Variants in PHF21A observed in about 807,000 individuals in gnomAD.
PHF21A encodes the protein BHC80a.
PHF21A carries 11 observed loss-of-function variants against 82.5 expected under a neutral mutation model. That is an observed-to-expected ratio of 0.13 (90% confidence interval 0.08 to 0.22). The LOEUF (loss-of-function observed/expected upper bound fraction) is 0.22, where lower values mean the gene tolerates loss of function less well. Ranked by LOEUF, PHF21A falls within the 10% of genes least tolerant of loss-of-function variation. The probability of loss-of-function intolerance (pLI) is 1.00; values close to 1 mark genes in which losing one functional copy is unlikely to be tolerated. For synonymous variants in PHF21A, 297 were observed against 302.8 expected (o/e 0.98, Z 0.20); for missense variants, 579 against 837.8 (o/e 0.69, Z 3.81).
chr11:46,021,529 C>T (rs542601433), intron 6 of PHF21A, among the ~76,000 whole-genome samples: 3 of 151,968 alleles, frequency 2.0e-5, no homozygotes, highest in Admixed American at 6.6e-5. Context: ...CATGTGTGTG[C>T]GTGCATGTGT....
chr11:45,945,475 G>C (rs1397562596), intron 15 of PHF21A, among the ~76,000 whole-genome samples: 2 of 152,182 alleles, frequency 1.3e-5, no homozygotes, highest in African/African-American at 4.8e-5. Context: ...CTGGGGGACT[G>C]TATGTCTTGT....
chr11:46,043,563 C>T (rs564440420), intron 6 of PHF21A, among the ~76,000 whole-genome samples: 20 of 152,062 alleles, frequency 1.3e-4, no homozygotes, highest in African/African-American at 4.6e-4. Context: ...GTGATAAAGA[C>T]GAGCTCTGCC....
rs557908783 is a variant in PHF21A at position 46,062,092 on chromosome 11, G to GT, written c.153+14661dup. 2.6e-3 allele frequency among the ~76,000 whole-genome samples: 372 copies of GT among 144,198 alleles called. 1 individual carries two copies. Among genetic ancestry groups the GT allele is most frequent in the Middle Eastern group, 0.014 (4 of 284 alleles). The allele number at this position is 144,198 out of a possible 152,430, so 94.6% of individuals were successfully genotyped here. ...CCTGTTTGCAACTGTTTTTTGTTTT[G>GT]TTTTTTTTTTTCCTCTAAGGAAGCT... On this transcript the variant is annotated intron_variant, in intron 6 of 18. Coordinates refer to ENST00000676320, the MANE Select transcript of PHF21A (RefSeq NM_001352027.3).
intron 3 of PHF21A, among the ~76,000 whole-genome samples, chr11:46,085,645 G>C (rs2135302975): frequency 6.6e-6 from 1 of 152,204 alleles, no homozygotes; most frequent in East Asian, 1.9e-4. Context: ...GGAACAATCA[G>C]GAAGTTAGAG....
chr11:46,016,290 C>T (rs578025855), intron 6 of PHF21A, among the ~76,000 whole-genome samples: 11 of 152,232 alleles, frequency 7.2e-5, no homozygotes, highest in Non-Finnish European at 1.3e-4. Context: ...CATGTCATTT[C>T]ATGACTCAAA....
intron 6 of PHF21A, among the ~76,000 whole-genome samples, chr11:46,049,990 T>C (rs917131041): frequency 6.6e-6 from 1 of 152,260 alleles, no homozygotes; most frequent in African/African-American, 2.4e-5. Context: ...TTCTATCATA[T>C]ATTTCATGTA....
chr11:45,936,534 T>C lies in PHF21A; in HGVS notation c.1644A>G (p.Gly548=), dbSNP rs976034379. Residue 548 remains glycine (G), a synonymous_variant, in exon 17 of 19, where the codon GGA becomes GGG. Transcript: ENST00000676320. ...TATAGGAATGAACAATTGCTAAAGT[T>C]CCAGGCCATGGAATTGCTTCTTCCT... is the stretch of plus-strand genomic sequence containing the variant. The part of the protein sequence containing the change: ...LKKEEAIPWP[G]TLAIVHSYIA... The C allele has an allele frequency of 9.9e-6, 16 of 1,613,490 alleles. No individual in the cohort carries two copies. The African/African-American group carries it at 2.0e-4, about 20-fold the overall frequency.
intron 1 of PHF21A, among the ~76,000 whole-genome samples, chr11:46,105,664 T>C (rs904616585): frequency 6.6e-6 from 1 of 152,168 alleles, no homozygotes; most frequent in African/African-American, 2.4e-5. Flanking sequence ...TTAAAAATCA[T>C]AACAAATGTC....
intron 5 of PHF21A, among the ~76,000 whole-genome samples, chr11:46,077,217 G>A (rs563919406): frequency 6.6e-6 from 1 of 152,326 alleles, no homozygotes; most frequent in African/African-American, 2.4e-5. Context: ...ATGCTTTACA[G>A]CATTATCAAC....
chr11:46,049,766 G>T (rs1386095279), intron 6 of PHF21A, among the ~76,000 whole-genome samples: 1 of 152,122 alleles, frequency 6.6e-6, no homozygotes, highest in African/African-American at 2.4e-5. Context: ...ACAAGAAAGG[G>T]AATTACACAC....
intron 4 of PHF21A, among the ~76,000 whole-genome samples, chr11:46,082,425 T>C (rs1216541559): frequency 3.3e-5 from 5 of 152,198 alleles, no homozygotes; most frequent in Non-Finnish European, 7.4e-5. Context: ...GGTGACACCA[T>C]ATAAATTATT....
intron 14 of PHF21A, 198 bp from the exon 15 acceptor site, chr11:45,946,201 T>C: frequency 3.3e-6 from 4 of 1,207,332 alleles, no homozygotes; most frequent in Non-Finnish European, 3.6e-6. Flanking sequence ...AACAACTATA[T>C]GACTCTCAAG....
intron 10 of PHF21A, among the ~76,000 whole-genome samples, chr11:45,955,649 T>C (rs1565239333): frequency 6.6e-6 from 1 of 152,162 alleles, no homozygotes; most frequent in Non-Finnish European, 1.5e-5. Flanking sequence ...CAAGAAAAAG[T>C]ACAATTATCT....
At position 45,992,634 on chromosome 11, in the gene PHF21A, A is replaced by C. The variant is rs187234710; in HGVS notation, c.154-12668T>G. On this transcript the variant is annotated intron_variant, in intron 6 of 18. Transcript: ENST00000676320. ...TCAAATGGCCTTCTGACTAATCAAA[A>C]TTTTATCATAATGGAAGAGCTGGGA... 1.3e-3 allele frequency among the ~76,000 whole-genome samples: 195 copies of C among 152,334 alleles called. 1 individual carries two copies. Among genetic ancestry groups the C allele is most frequent in the Non-Finnish European group, 1.6e-3 (107 of 68,014 alleles).
chr11:45,987,712 C>CACAATAAG (rs1317622940), intron 6 of PHF21A, among the ~76,000 whole-genome samples: 1 of 144,300 alleles, frequency 6.9e-6, no homozygotes, highest in African/African-American at 2.6e-5. Context: ...GTGTTTGTAC[C>CACAATAAG]ACAATAAGAT....
chr11:46,016,612 C>T (rs1359432683), intron 6 of PHF21A, among the ~76,000 whole-genome samples: 1 of 152,256 alleles, frequency 6.6e-6, no homozygotes, highest in East Asian at 1.9e-4. Flanking sequence ...TCAAAGAGCA[C>T]CCGTGTACAA....
intron 9 of PHF21A, 69 bp downstream of exon 9, chr11:45,969,746 C>T: frequency 9.4e-7 from 1 of 1,065,112 alleles, no homozygotes; most frequent in Non-Finnish European, 1.5e-6. Context: ...TTACAGGCTA[C>T]TTAGAAAGAG....
intron 6 of PHF21A, among the ~76,000 whole-genome samples, chr11:45,998,119 A>G (rs1177078249): frequency 2.0e-5 from 3 of 152,234 alleles, no homozygotes; most frequent in African/African-American, 7.2e-5. Context: ...GGACAAGAAT[A>G]TGAACTACAA....
intron 6 of PHF21A, among the ~76,000 whole-genome samples, chr11:46,018,928 A>G (rs144974596): frequency 1.2e-4 from 19 of 152,320 alleles, no homozygotes; most frequent in Non-Finnish European, 2.5e-4. Flanking sequence ...ACTTTTTATG[A>G]CAAAATCAAT....
Sources: allele counts gnomAD v4.1 joint callset (sites outside exome capture counted in the v4.1 genomes callset), GRCh38; gene constraint gnomAD v4.1.1; transcripts MANE v1.5; gene names NCBI Gene and HGNC (gene_info 2026-07-23, HGNC 2026-07-21).